DNAJC15: variants seen among roughly 807,000 people sequenced by gnomAD.
DNAJC15 encodes DnaJ heat shock protein family (Hsp40) member C15, also known as dnaJ homolog subfamily C member 15.
DNAJC15 carries 27 observed loss-of-function variants against 22.4 expected under a neutral mutation model. The ratio of observed to expected loss-of-function variants is 1.20; its 90% CI spans 0.89 to 1.66. The LOEUF is 1.66. Ranked by LOEUF, DNAJC15 falls within the 40% of genes most tolerant of loss-of-function variation. The pLI, the probability that DNAJC15 is intolerant of heterozygous loss-of-function variation, is 0.00. For missense variants in DNAJC15, 208 were observed against 187.1 expected (o/e 1.11, Z -0.65); for synonymous variants, 79 against 63.2 (o/e 1.25, Z -1.19).
At chr13:43,085,948 A>G (rs2040686336) in intron 5 of DNAJC15, 110 bp downstream of exon 5, 1 of 915,896 alleles carries the variant, frequency 1.1e-6, no homozygotes, top group Non-Finnish European at 1.6e-6. Flanking sequence ...TGTGCGCCAC[A>G]TGTATTGTGA....
intron 1 of DNAJC15, among the ~76,000 whole-genome samples, chr13:43,040,699 TG>T (rs1204076948): frequency 1.3e-5 from 2 of 152,008 alleles, no homozygotes; most frequent in Non-Finnish European, 2.9e-5. Context: ...CGCCGGCCTC[TG>T]AGTTCCCTTA....
At chr13:43,057,754 A>T (rs573468118) in intron 1 of DNAJC15, among the ~76,000 whole-genome samples, 8 of 152,288 alleles carry the variant, frequency 5.3e-5, no homozygotes, top group African/African-American at 1.7e-4. Context: ...TCTGGGGCTC[A>T]AAGGCTGCTG....
At chr13:43,103,736 G>A (rs1302536222) in intron 5 of DNAJC15, among the ~76,000 whole-genome samples, 2 of 152,094 alleles carry the variant, frequency 1.3e-5, no homozygotes, top group Non-Finnish European at 2.9e-5. Flanking sequence ...TTGAGAAGAG[G>A]CATCACTCAC....
chr13:43,053,054 T>C (rs1348417011), intron 1 of DNAJC15, among the ~76,000 whole-genome samples: 1 of 152,180 alleles, frequency 6.6e-6, no homozygotes. Context: ...GTCTTAGATT[T>C]ATCCATCTTG....
chr13:43,093,777 ATATT>A (rs1214124718), intron 5 of DNAJC15, among the ~76,000 whole-genome samples: 10 of 152,288 alleles, frequency 6.6e-5, no homozygotes, highest in African/African-American at 2.4e-4. Flanking sequence ...AACTTCTTAT[ATATT>A]AGTATAGATA....
At chr13:43,094,852 C>G (rs567890812) in intron 5 of DNAJC15, among the ~76,000 whole-genome samples, 1 of 152,228 alleles carries the variant, frequency 6.6e-6, no homozygotes, top group South Asian at 2.1e-4. Flanking sequence ...TTCTTGCGTT[C>G]CACCAAGAAT....
At chr13:43,035,815 G>A (rs2040426361) in intron 1 of DNAJC15, among the ~76,000 whole-genome samples, 1 of 151,982 alleles carries the variant, frequency 6.6e-6, no homozygotes, top group Non-Finnish European at 1.5e-5. Context: ...CAATTTCCCA[G>A]GCTGAAGTGA....
At chr13:43,094,454 A>G (rs1452479068) in intron 5 of DNAJC15, among the ~76,000 whole-genome samples, 2 of 152,194 alleles carry the variant, frequency 1.3e-5, no homozygotes, top group East Asian at 3.8e-4. Flanking sequence ...ATTCTAATGT[A>G]CACTAATGTT....
chr13:43,059,115 G>C (rs566518614), intron 1 of DNAJC15, among the ~76,000 whole-genome samples: 2 of 152,120 alleles, frequency 1.3e-5, no homozygotes, highest in South Asian at 4.2e-4. Flanking sequence ...CGTCCGAGTG[G>C]GAGCTGGAAG....
At chr13:43,028,499 T>C (rs2040390557) in intron 1 of DNAJC15, among the ~76,000 whole-genome samples, 1 of 152,222 alleles carries the variant, frequency 6.6e-6, no homozygotes, top group South Asian at 2.1e-4. Flanking sequence ...AACTTCACAC[T>C]GCCATCAGTT....
At chr13:43,075,114 T>C (rs1219604405) in intron 3 of DNAJC15, among the ~76,000 whole-genome samples, 1 of 152,214 alleles carries the variant, frequency 6.6e-6, no homozygotes, top group East Asian at 1.9e-4. Context: ...TTGTATACTT[T>C]TCTGCACCCA....
intron 1 of DNAJC15, among the ~76,000 whole-genome samples, chr13:43,057,397 A>C (rs375577976): frequency 3.9e-5 from 6 of 151,958 alleles, no homozygotes; most frequent in East Asian, 3.9e-4. Flanking sequence ...TTCTGTTGTA[A>C]CTTTCCAGTG....
At chr13:43,077,493 A>T (rs1447841243) in intron 3 of DNAJC15, among the ~76,000 whole-genome samples, 1 of 152,202 alleles carries the variant, frequency 6.6e-6, no homozygotes, top group African/African-American at 2.4e-5. Context: ...GGGTCATAGG[A>T]TTAAATGACA....
chr13:43,092,956 C>A (rs913457375), intron 5 of DNAJC15, among the ~76,000 whole-genome samples: 4 of 152,164 alleles, frequency 2.6e-5, no homozygotes, highest in African/African-American at 9.7e-5. Context: ...CCAAAGAATA[C>A]AGAATACTTT....
intron 1 of DNAJC15, among the ~76,000 whole-genome samples, chr13:43,059,225 C>G (rs192033775): frequency 9.5e-4 from 145 of 151,890 alleles, no homozygotes; most frequent in African/African-American, 3.4e-3. Context: ...TAGAAGTAGT[C>G]TATTAATTTT....
At chr13:43,054,426 T>A (rs562918586) in intron 1 of DNAJC15, among the ~76,000 whole-genome samples, 3 of 152,230 alleles carry the variant, frequency 2.0e-5, no homozygotes, top group African/African-American at 7.2e-5. Context: ...CTTCATAGAA[T>A]GATTTAGGGA....
rs1368760544 is a variant in DNAJC15 at position 43,109,837 on chromosome 13, T to G, written c.*2589T>G. ...AACAAACCTGCACGTTGTGCACATG[T>G]GCCCTAGAACTTAAAGTATAATAAA... On this transcript the variant is annotated 3_prime_UTR_variant, in exon 6 of 6. Coordinates refer to ENST00000379221, the MANE Select transcript of DNAJC15 (RefSeq NM_013238.3). 6.6e-6 allele frequency: 1 copy of G among 151,352 alleles called. No individual in the cohort carries two copies. 9.4% of individuals were successfully genotyped at this position (151,352 alleles called of 1,614,324 possible).
At chr13:43,074,281 A>C (rs534163550) in intron 3 of DNAJC15, among the ~76,000 whole-genome samples, 8 of 152,214 alleles carry the variant, frequency 5.3e-5, no homozygotes, top group African/African-American at 1.9e-4. Context: ...AGGAGACACA[A>C]AATAATCTAA....
chr13:43,080,047 A>G (rs930744514), intron 4 of DNAJC15, among the ~76,000 whole-genome samples: 2 of 152,160 alleles, frequency 1.3e-5, no homozygotes, highest in African/African-American at 2.4e-5. Context: ...TATATAATAT[A>G]TGTGAATTTC....
Sources: gnomAD v4.1 joint callset for allele counts (sites outside exome capture counted in the v4.1 genomes callset) on GRCh38, gnomAD v4.1.1 for gene constraint, MANE v1.5 for transcripts, NCBI Gene and HGNC (gene_info 2026-07-23, HGNC 2026-07-21) for gene names.